Variants in AKT3 observed in about 807,000 individuals in gnomAD.
AKT3 encodes AKT serine/threonine kinase 3.
A neutral mutation model predicts 65.3 loss-of-function variants in AKT3; 15 were observed. The ratio of observed to expected loss-of-function variants is 0.23; its 90% CI spans 0.15 to 0.35. AKT3 has a LOEUF of 0.35. Ranked by LOEUF, AKT3 falls within the 10% of genes least tolerant of loss-of-function variation. The probability of loss-of-function intolerance (pLI) is 1.00; values close to 1 mark genes in which losing one functional copy is unlikely to be tolerated. For missense variants in AKT3, 243 were observed against 576.5 expected, an observed-to-expected ratio of 0.42 and a Z score of 5.92; for synonymous variants, 206 against 183.8, an observed-to-expected ratio of 1.12 and a Z score of -0.98.
chr1:243,767,187 G>A (rs752060903), intron 2 of AKT3, among the ~76,000 whole-genome samples: 2 of 152,078 alleles, frequency 1.3e-5, no homozygotes. Flanking sequence ...AAGTATGTCA[G>A]TAAAAGAGCA....
intron 2 of AKT3, among the ~76,000 whole-genome samples, chr1:243,713,972 A>G (rs1275267656): frequency 6.6e-6 from 1 of 152,000 alleles, no homozygotes; most frequent in East Asian, 1.9e-4. Flanking sequence ...AAAAAACTGG[A>G]CAGAACTGGG....
At chr1:243,733,964 T>C (rs1157550316) in intron 2 of AKT3, among the ~76,000 whole-genome samples, 1 of 152,204 alleles carries the variant, frequency 6.6e-6, no homozygotes, top group Non-Finnish European at 1.5e-5. Context: ...AGCCTAATTC[T>C]AAAACCAAAA....
chr1:243,600,792 C>T (rs1676949871), intron 8 of AKT3, among the ~76,000 whole-genome samples: 2 of 152,126 alleles, frequency 1.3e-5, no homozygotes. Flanking sequence ...TCTTAACAAA[C>T]TTCAGTTAGA....
intron 6 of AKT3, among the ~76,000 whole-genome samples, chr1:243,636,052 T>C (rs558261437): frequency 4.3e-4 from 65 of 152,136 alleles, no homozygotes; most frequent in African/African-American, 1.3e-3. Context: ...CAGTGTCTAA[T>C]AGGATATTCC....
At chr1:243,755,588 GAATTATA>G (rs1453479133) in intron 2 of AKT3, among the ~76,000 whole-genome samples, 1 of 152,128 alleles carries the variant, frequency 6.6e-6, no homozygotes, top group Non-Finnish European at 1.5e-5. Context: ...CTATGTTACA[GAATTATA>G]AATTATAATT....
intron 2 of AKT3, among the ~76,000 whole-genome samples, chr1:243,837,913 G>C (rs1694993793): frequency 6.6e-6 from 1 of 152,160 alleles, no homozygotes; most frequent in Admixed American, 6.5e-5. Flanking sequence ...AAAGAAATCA[G>C]AGGCATAAAG....
chr1:243,728,880 C>T (rs980796629), intron 2 of AKT3, among the ~76,000 whole-genome samples: 1 of 152,080 alleles, frequency 6.6e-6, no homozygotes, highest in African/African-American at 2.4e-5. Flanking sequence ...GGAAAGGAGT[C>T]CTCCATGGAG....
chr1:243,662,535 A>G (rs1340727777), intron 4 of AKT3, among the ~76,000 whole-genome samples: 3 of 124,374 alleles, frequency 2.4e-5, no homozygotes, highest in Non-Finnish European at 4.7e-5. Flanking sequence ...GAAGGGGAAC[A>G]TCACACTCTG....
intron 2 of AKT3, among the ~76,000 whole-genome samples, chr1:243,782,827 A>C (rs1296731320): frequency 6.6e-6 from 1 of 152,246 alleles, no homozygotes; most frequent in Non-Finnish European, 1.5e-5. Context: ...TTAAAGAAGC[A>C]GTAAATGTGA....
intron 9 of AKT3, among the ~76,000 whole-genome samples, chr1:243,565,621 T>C (rs957349851): frequency 1.3e-5 from 2 of 152,162 alleles, no homozygotes; most frequent in Non-Finnish European, 2.9e-5. Flanking sequence ...TCTGCACAAA[T>C]GACAATAAGT....
chr1:243,491,402 A>C (rs563794962), intron 13 of AKT3, among the ~76,000 whole-genome samples: 37 of 152,342 alleles, frequency 2.4e-4, no homozygotes, highest in Non-Finnish European at 4.3e-4. Flanking sequence ...TCATCTCTAA[A>C]GCGGCCTTTC....
intron 12 of AKT3, among the ~76,000 whole-genome samples, chr1:243,531,508 T>C (rs1396655797): frequency 6.6e-6 from 1 of 152,224 alleles, no homozygotes; most frequent in African/African-American, 2.4e-5. Flanking sequence ...TATTTTGTCA[T>C]AAATACAATG....
intron 8 of AKT3, among the ~76,000 whole-genome samples, chr1:243,589,319 A>AAG (rs1481766253): frequency 6.7e-6 from 1 of 149,314 alleles, no homozygotes; most frequent in Non-Finnish European, 1.5e-5. Flanking sequence ...AAAAAAAAAA[A>AAG]AAAAAGAAAA....
At chr1:243,711,893 G>A (rs1404626128) in intron 2 of AKT3, among the ~76,000 whole-genome samples, 2 of 152,146 alleles carry the variant, frequency 1.3e-5, no homozygotes, top group Non-Finnish European at 2.9e-5. Flanking sequence ...ATACTTGCCT[G>A]TACTACTAAG....
intron 8 of AKT3, among the ~76,000 whole-genome samples, chr1:243,576,417 A>G (rs1401813851): frequency 1.3e-5 from 2 of 152,234 alleles, no homozygotes; most frequent in African/African-American, 4.8e-5. Context: ...AATAAAGAGC[A>G]TTCAAATAGG....
At chr1:243,699,681 C>T (rs1390738088) in intron 2 of AKT3, among the ~76,000 whole-genome samples, 1 of 151,414 alleles carries the variant, frequency 6.6e-6, no homozygotes, top group Non-Finnish European at 1.5e-5. Flanking sequence ...GATGTACGCA[C>T]CCTAATCCCA....
intron 3 of AKT3, among the ~76,000 whole-genome samples, chr1:243,692,241 C>T (rs2148013374): frequency 6.6e-6 from 1 of 152,116 alleles, no homozygotes; most frequent in East Asian, 1.9e-4. Context: ...TGACCTTCCC[C>T]TGAAATAGGT....
At position 243,710,164 on chromosome 1, in the gene AKT3, T is replaced by C. The variant is rs149768120; in HGVS notation, c.47-14448A>G. On this transcript the variant is annotated intron_variant, in intron 2 of 13. Transcript: ENST00000673466. ...CAAATATACATTAAAGCTAGAAGTT[T>C]CTGAAGTTTTCTGAATTATCCTGAA... 4.7e-3 allele frequency among the ~76,000 whole-genome samples: 723 copies of C among 152,272 alleles called. 8 individuals carry two copies. Among genetic ancestry groups the C allele is most frequent in the African/African-American group, 0.017 (688 of 41,574 alleles).
intron 2 of AKT3, among the ~76,000 whole-genome samples, chr1:243,758,579 T>C (rs1689288657): frequency 6.6e-6 from 1 of 152,176 alleles, no homozygotes; most frequent in Non-Finnish European, 1.5e-5. Context: ...ACCAGTTTCA[T>C]GGAAGACAAT....
Sources: gnomAD v4.1 joint callset for allele counts (sites outside exome capture counted in the v4.1 genomes callset) on GRCh38, gnomAD v4.1.1 for gene constraint, MANE v1.5 for transcripts, NCBI Gene and HGNC (gene_info 2026-07-23, HGNC 2026-07-21) for gene names.